ZFR2: variants seen among roughly 807,000 people sequenced by gnomAD.
ZFR2 encodes the protein zinc finger RNA binding protein 2, also known as zinc finger RNA-binding protein 2.
A neutral mutation model predicts 105.7 loss-of-function variants in ZFR2; 104 were observed. That is an observed-to-expected ratio of 0.98 (90% CI 0.84 to 1.16). ZFR2 has a LOEUF of 1.16. Ranked by LOEUF, ZFR2 falls within the 50% of genes most tolerant of loss-of-function variation. The pLI, the probability that ZFR2 is intolerant of heterozygous loss-of-function variation, is 0.00. For missense variants in ZFR2, 1,425 were observed against 1,355.5 expected (o/e 1.05, Z -0.80); for synonymous variants, 634 against 597.7 (o/e 1.06, Z -0.89).
At position 3,827,923 on chromosome 19, in the gene ZFR2, T is replaced by C. The variant is rs1380593774; in HGVS notation, c.853-270A>G. Among the ~76,000 whole-genome samples, 87 of 139,554 alleles carry C rather than the reference T, an allele frequency of 6.2e-4. No individual in the cohort carries two copies. In the Middle Eastern group the frequency reaches 0.013, roughly 21 times the overall value. 91.6% of individuals were successfully genotyped at this position (139,554 alleles called of 152,430 possible). ...GCAACCTCTGCCTCCTGGGTTCAAG[T>C]GATTCTCCCGCCTCAGCCTCCTAAG... is the stretch of plus-strand genomic sequence containing the variant. On this transcript the variant is annotated intron_variant, in intron 5 of 18. Transcript: ENST00000262961.
Position 3,805,563 on chromosome 19 carries a change from C to A in ZFR2, c.*386G>T. 1 of 171,462 alleles carries A rather than the reference C, an allele frequency of 5.8e-6. No homozygotes were observed. The allele number at this position is 171,462 out of a possible 1,614,324, so 10.6% of individuals were successfully genotyped here. On this transcript the variant is annotated 3_prime_UTR_variant, in exon 19 of 19. Transcript: ENST00000262961. Reference sequence around the variant, plus strand: ...ACAGGGTTTCACCATGTTGACCAGGCCGGTCTCGAACTCCTGACCTCAGGC... The same window carrying A: ...ACAGGGTTTCACCATGTTGACCAGGACGGTCTCGAACTCCTGACCTCAGGC...
At chr19:3,807,071 G>A in intron 18 of ZFR2, 101 bp downstream of exon 18, 1 of 856,602 alleles carries the variant, frequency 1.2e-6, no homozygotes, top group South Asian at 1.7e-5. Context: ...CTCAGTGGGA[G>A]GGAGAGAAGG....
intron 18 of ZFR2, among the ~76,000 whole-genome samples, 194 bp from the exon 19 acceptor site, chr19:3,806,319 G>A (rs1318009818): frequency 1.3e-5 from 2 of 152,208 alleles, no homozygotes; most frequent in Non-Finnish European, 2.9e-5. Flanking sequence ...CTGGAGTGCA[G>A]TGGCGCGATC....
rs374562814 is a variant in ZFR2 at position 3,831,528 on chromosome 19, C to T, written c.627G>A (p.Ser209=). Residue 209 remains serine (S), a synonymous_variant, in exon 5 of 19, where the codon TCG becomes TCA. Transcript: ENST00000262961. ...AGAAAGGGCTGGCAGCGGAGTACAC[C>T]GACGCGTCATAGTTCGGGTAGCTTG... The part of the protein sequence containing the change: ...TAPSYPNYDA[S]VYSAASPFYP... 542 of 1,559,634 alleles carry T rather than the reference C, an allele frequency of 3.5e-4. 3 individuals are homozygous for T. In the African/African-American group the frequency reaches 6.8e-3, roughly 19 times the overall value.
intron 1 of ZFR2, among the ~76,000 whole-genome samples, chr19:3,840,627 C>T (rs1250718897): frequency 1.3e-5 from 2 of 152,148 alleles, no homozygotes; most frequent in East Asian, 3.9e-4. Context: ...AACTCCCAGG[C>T]TCAAGTGATC....
At position 3,816,830 on chromosome 19, in the gene ZFR2, C is replaced by T. The variant is rs1568419161; in HGVS notation, c.1947G>A (p.Gln649=). 2 of 1,567,260 alleles carry T rather than the reference C, an allele frequency of 1.3e-6. No homozygotes were observed. The highest frequency in any genetic ancestry group is 1.7e-4 in the Middle Eastern group (1 of 6,006). The change falls in exon 13 of 19, where the codon CAG becomes CAA. Residue 649 remains glutamine (Q), a synonymous_variant. Transcript: ENST00000262961. ...EGDKRSSVAP[Q]TRVLKGVMRV... is the part of the protein sequence containing the mutation. ...GCATGACGCCTTTCAGGACCCGAGT[C>T]TGGGGGGCAACGCTGCTGTGGGGAC...
At chr19:3,859,402 G>A (rs962685100) in intron 1 of ZFR2, among the ~76,000 whole-genome samples, 2 of 152,162 alleles carry the variant, frequency 1.3e-5, no homozygotes, top group East Asian at 1.9e-4. Context: ...GCTTGCAGAC[G>A]GCCTATCGTG....
chr19:3,855,070 A>G (rs908495000), intron 1 of ZFR2, among the ~76,000 whole-genome samples: 2 of 151,972 alleles, frequency 1.3e-5, no homozygotes, highest in African/African-American at 4.8e-5. Context: ...AATTTTTTAA[A>G]TTTTTGGTAG....
chr19:3,834,873 G>A lies in ZFR2; in HGVS notation c.164C>T (p.Ala55Val), dbSNP rs780966737. ...VNPAFPPAAP[A>V]GYGGYQPHSG... ...GTGGGGCTGGTATCCACCGTACCCT[G>A]CCGGGGCAGCTGGGGGAAAGGCCGG... The change falls in exon 2 of 19, where the codon GCA (alanine) becomes GTA (valine). Residue 55 changes from alanine (A) to valine (V), a missense_variant. Transcript: ENST00000262961. The surrounding 1 kb of genome is among the most constrained non-coding windows in gnomAD (Gnocchi z 5.3). The A allele has an allele frequency of 2.6e-5, 42 of 1,611,726 alleles. No homozygotes were observed. The Admixed American group carries it at 7.0e-4, about 27-fold the overall frequency.
intron 1 of ZFR2, among the ~76,000 whole-genome samples, chr19:3,848,903 A>G (rs865823079): frequency 6.6e-6 from 1 of 151,966 alleles, no homozygotes; most frequent in African/African-American, 2.4e-5. Context: ...CTGAGGCAGG[A>G]GAATGGCATG....
At chr19:3,810,709 G>T in intron 16 of ZFR2, 41 bp downstream of exon 16, 1 of 1,528,150 alleles carries the variant, frequency 6.5e-7, no homozygotes, top group Non-Finnish European at 8.8e-7. Flanking sequence ...GAGGCCCTTG[G>T]GGGTCCCAGT....
rs542706663 is a variant in ZFR2 at position 3,857,653 on chromosome 19, G to A, written c.53+11312C>T. Among the ~76,000 whole-genome samples the A allele has an allele frequency of 1.5e-3, 210 of 143,880 alleles. 1 individual carries two copies. Among genetic ancestry groups the A allele is most frequent in the Non-Finnish European group, 2.7e-3 (178 of 67,168 alleles). The allele number at this position is 143,880 out of a possible 152,430, so 94.4% of individuals were successfully genotyped here. A position where few individuals can be genotyped will look rare whatever the true frequency, so the allele number is the denominator to read the frequency against. On this transcript the variant is annotated intron_variant, in intron 1 of 18. Transcript: ENST00000262961. ...GGAGGTTGCTGTGAGCCGAGATTGC[G>A]CCACTGCACTGCAGCCTGGGCAATG...
chr19:3,840,157 T>C (rs1364333038), intron 1 of ZFR2, among the ~76,000 whole-genome samples: 1 of 152,094 alleles, frequency 6.6e-6, no homozygotes, highest in Non-Finnish European at 1.5e-5. Context: ...AAGGATCCTC[T>C]GCCCAGGCCC....
At position 3,822,075 on chromosome 19, in the gene ZFR2, ACGCACCCGGTACTGCAG is replaced by A; in HGVS notation, c.1480_1491+5del. The A allele has an allele frequency of 1.9e-6, 3 of 1,594,378 alleles. No individual in the cohort carries two copies. Among genetic ancestry groups the A allele is most frequent in the Non-Finnish European group, 2.6e-6 (3 of 1,171,794 alleles). Reference sequence around the variant, plus strand: ...CGGGTGTCGGAGCTCCCCCTGCTGGACGCACCCGGTACTGCAGCCGGTGCCGCCGCCCCCTCACGTGC... The same window carrying A: ...CGGGTGTCGGAGCTCCCCCTGCTGGACCGGTGCCGCCGCCCCCTCACGTGC... On this transcript the variant is annotated splice_donor_variant and splice_donor_5th_base_variant and coding_sequence_variant and intron_variant, in exon 9 of 19. Coordinates refer to ENST00000262961, the MANE Select transcript of ZFR2 (RefSeq NM_015174.2). LOFTEE classifies it high-confidence loss of function.
intron 1 of ZFR2, among the ~76,000 whole-genome samples, chr19:3,850,350 G>A (rs557535498): frequency 1.3e-5 from 2 of 152,188 alleles, no homozygotes; most frequent in African/African-American, 4.8e-5. Context: ...GGTGACGGGA[G>A]GCAGCTCAGG....
At chr19:3,832,542 G>A (rs556044606) in intron 3 of ZFR2, among the ~76,000 whole-genome samples, 1 of 151,738 alleles carries the variant, frequency 6.6e-6, no homozygotes, top group South Asian at 2.1e-4. Flanking sequence ...GGATGGTCTC[G>A]ATCGCTTGAC....
chr19:3,821,245 A>C, intron 10 of ZFR2, 95 bp downstream of exon 10: 2 of 1,383,768 alleles, frequency 1.4e-6, no homozygotes, highest in Non-Finnish European at 1.9e-6. Flanking sequence ...GCTCACACGG[A>C]GGAGCTCCGT....
At chr19:3,833,247 TCAAAAAA>T (rs2038038289) in intron 3 of ZFR2, among the ~76,000 whole-genome samples, 2 of 101,582 alleles carry the variant, frequency 2.0e-5, no homozygotes, top group African/African-American at 3.9e-5. Context: ...AGACTCCGTC[TCAAAAAA>T]AAAAAAAAAA....
At position 3,812,186 on chromosome 19, in the gene ZFR2, C is replaced by T. The variant is rs146669130; in HGVS notation, c.2243-820G>A. Among the ~76,000 whole-genome samples, 11 of 152,230 alleles carry T rather than the reference C, an allele frequency of 7.2e-5. No homozygotes were observed. In the South Asian group the frequency reaches 1.2e-3, roughly 17 times the overall value. On this transcript the variant is annotated intron_variant, in intron 14 of 18. Transcript: ENST00000262961. Reference sequence around the variant, plus strand: ...CTCGAACCCCTCACCTCAGGTGATCCGCCGGCCTTGGCCTCCCAAAGTGCT... The same window carrying T: ...CTCGAACCCCTCACCTCAGGTGATCTGCCGGCCTTGGCCTCCCAAAGTGCT...
Sources: gnomAD v4.1 joint callset for allele counts (sites outside exome capture counted in the v4.1 genomes callset) on GRCh38, gnomAD v4.1.1 for gene constraint, Gnocchi (gnomAD v3.1) non-coding constraint, MANE v1.5 for transcripts, NCBI Gene and HGNC (gene_info 2026-07-23, HGNC 2026-07-21) for gene names.